The following EVC2 variants were observed in gnomAD, a reference collection of about 807,000 sequenced individuals.
EVC2 encodes EvC ciliary complex subunit 2.
EVC2 carries 148 observed loss-of-function variants against 149.3 expected under a neutral mutation model. The ratio of observed to expected loss-of-function variants is 0.99; its 90% CI spans 0.87 to 1.14. The LOEUF (loss-of-function observed/expected upper bound fraction) is 1.14, where lower values mean the gene tolerates loss of function less well. Among genes scored for constraint, EVC2 ranks in the 50% most tolerant of loss-of-function variants. EVC2 has a pLI of 0.00. For synonymous variants in EVC2, 776 were observed against 649.9 expected (o/e 1.19, Z -2.95); for missense variants, 1,854 against 1,627.3 (o/e 1.14, Z -2.40).
At chr4:5,586,569 T>C (rs1185321009) in intron 16 of EVC2, among the ~76,000 whole-genome samples, 2 of 152,202 alleles carry the variant, frequency 1.3e-5, no homozygotes, top group Non-Finnish European at 2.9e-5. Flanking sequence ...TTAAGTCTCA[T>C]AAGAAACATT....
chr4:5,663,862 A>G (rs904761543), intron 8 of EVC2, among the ~76,000 whole-genome samples: 2 of 152,184 alleles, frequency 1.3e-5, no homozygotes, highest in Non-Finnish European at 2.9e-5. Flanking sequence ...CGGAAGCTGC[A>G]GTGAGCCGAG....
the EVC2 span, among the ~76,000 whole-genome samples, chr4:5,530,650 G>A: frequency 6.6e-6 from 1 of 152,086 alleles, no homozygotes; most frequent in Non-Finnish European, 1.5e-5. Context: ...CATCCTACAT[G>A]ACTGCAAGTT....
intron 16 of EVC2, among the ~76,000 whole-genome samples, chr4:5,597,358 G>A (rs1713533719): frequency 6.6e-6 from 1 of 152,152 alleles, no homozygotes; most frequent in African/African-American, 2.4e-5. Flanking sequence ...ACATCAAAAA[G>A]CTTATCCACC....
intron 4 of EVC2, 79 bp from the exon 5 acceptor site, chr4:5,689,422 T>C: frequency 7.0e-7 from 1 of 1,419,530 alleles, no homozygotes; most frequent in Non-Finnish European, 9.9e-7. Context: ...GCCCAGCCTG[T>C]GCACATTAGG....
chr4:5,627,106 G>A (rs560786526), intron 12 of EVC2, among the ~76,000 whole-genome samples: 18 of 152,196 alleles, frequency 1.2e-4, no homozygotes, highest in Admixed American at 9.2e-4. Context: ...GTACCCTGAC[G>A]AGTACACTCT....
intron 9 of EVC2, among the ~76,000 whole-genome samples, chr4:5,642,044 G>C (rs1386669197): frequency 2.2e-5 from 3 of 136,056 alleles, no homozygotes; most frequent in African/African-American, 8.6e-5. Flanking sequence ...GCAGTGTTTG[G>C]TTTTCTGTTC....
Position 5,562,476 on chromosome 4 carries a change from A to T in EVC2, c.*372T>A, listed in dbSNP as rs1203219754. On this transcript the variant is annotated 3_prime_UTR_variant, in exon 22 of 22. Transcript: ENST00000344408. This position sits in a 1 kb window ranked among gnomAD's most constrained non-coding sequence, Gnocchi z 4.3. ...ACATTTATTTTTTAAAATTCCCTTT[A>T]TAAAAATAGAATATGTAACAAATAC... The T allele has an allele frequency of 1.8e-5, 19 of 1,074,846 alleles. No individual in the cohort carries two copies. Among genetic ancestry groups the T allele is most frequent in the Non-Finnish European group, 2.0e-5 (18 of 883,460 alleles). The allele number at this position is 1,074,846 out of a possible 1,614,324, so 66.6% of individuals were successfully genotyped here. A position where few individuals can be genotyped will look rare whatever the true frequency, so the allele number is the denominator to read the frequency against.
intron 16 of EVC2, among the ~76,000 whole-genome samples, chr4:5,586,337 T>C (rs6824662): frequency 0.021 from 3,129 of 152,220 alleles, 98 homozygotes; most frequent in African/African-American, 0.07. Context: ...CTTTGACTTA[T>C]CCCAGGGTAC....
intron 9 of EVC2, among the ~76,000 whole-genome samples, chr4:5,649,076 C>T (rs1210645054): frequency 6.6e-6 from 1 of 152,104 alleles, no homozygotes; most frequent in Non-Finnish European, 1.5e-5. Context: ...CCTGAAAGTC[C>T]CTAACAATCC....
At chr4:5,582,816 C>A (rs374320049) in intron 17 of EVC2, among the ~76,000 whole-genome samples, 1 of 152,100 alleles carries the variant, frequency 6.6e-6, no homozygotes, top group African/African-American at 2.4e-5. Flanking sequence ...GTGCTGTTCT[C>A]GTGATGGAGT....
downstream of EVC2, among the ~76,000 whole-genome samples, chr4:5,557,723 G>A (rs539371165): frequency 4.3e-4 from 65 of 152,128 alleles, 1 homozygote; most frequent in South Asian, 1.5e-3. Context: ...TAAGGTTGCA[G>A]GATACAAGGT....
chr4:5,574,545 G>T, intron 19 of EVC2, 140 bp downstream of exon 19: 2 of 838,380 alleles, frequency 2.4e-6, no homozygotes, highest in Non-Finnish European at 4.0e-6. Flanking sequence ...CCATGCTAGA[G>T]CTTCGCACAC....
chr4:5,708,505 G>A lies in EVC2; in HGVS notation c.9C>T (p.Pro3=), dbSNP rs573858756. 7 of 1,476,544 alleles carry A rather than the reference G, an allele frequency of 4.7e-6. No individual in the cohort carries two copies. The East Asian group carries it at 8.6e-5, about 18-fold the overall frequency. 91.5% of individuals were successfully genotyped at this position (1,476,544 alleles called of 1,614,324 possible). A position where few individuals can be genotyped will look rare whatever the true frequency, so the allele number is the denominator to read the frequency against. MD[P]SGSRGRPTWV... is the part of the protein sequence containing the mutation. ...ACGTGGGGCGCCCCCGGGAGCCCGA[G>A]GGGTCCATCGCCTGTCGGGACCCGC... The change falls in exon 1 of 22, where the codon CCC becomes CCT. Residue 3 remains proline, a synonymous_variant. Transcript: ENST00000344408.
At chr4:5,555,027 TG>T (rs1721808694) in intron 21 of EVC2, among the ~76,000 whole-genome samples, 1 of 150,700 alleles carries the variant, frequency 6.6e-6, no homozygotes, top group East Asian at 2.0e-4. Context: ...CGTGTGTGTG[TG>T]TGTGTGTGTG....
At chr4:5,666,247 C>A (rs11724447) in intron 7 of EVC2, among the ~76,000 whole-genome samples, 16,229 of 140,920 alleles carry the variant, frequency 0.12, 1,187 homozygotes, top group Middle Eastern at 0.19. Context: ...GTTCTGCAAC[C>A]AGAATTCAAT....
Position 5,618,796 on chromosome 4 carries a change from G to C in EVC2, c.2502-114C>G, listed in dbSNP as rs1715472065. On this transcript the variant is annotated intron_variant, in intron 14 of 21. Transcript: ENST00000344408. The surrounding 1 kb of genome is among the most constrained non-coding windows in gnomAD (Gnocchi z 4.4). ...CCTCATATCCATGTCTGCAGAAAAA[G>C]CACTGGCTCCTTAATCATGCATTCC... The C allele has an allele frequency of 9.9e-7, 1 of 1,009,048 alleles. No homozygotes were observed. The highest frequency in any genetic ancestry group is 1.5e-6 in the Non-Finnish European group (1 of 658,736). The allele number at this position is 1,009,048 out of a possible 1,614,324, so 62.5% of individuals were successfully genotyped here.
At chr4:5,595,801 T>A (rs897342674) in intron 16 of EVC2, among the ~76,000 whole-genome samples, 12 of 152,326 alleles carry the variant, frequency 7.9e-5, no homozygotes, top group Admixed American at 2.0e-4. Flanking sequence ...AAGACCCATC[T>A]GTGTGCTGTA....
chr4:5,706,817 A>G (rs1221918527), intron 1 of EVC2, among the ~76,000 whole-genome samples: 1 of 152,158 alleles, frequency 6.6e-6, no homozygotes, highest in African/African-American at 2.4e-5. Flanking sequence ...GACGTGCTCA[A>G]GATGCCAAGG....
chr4:5,647,620 G>A (rs1212495124), intron 9 of EVC2, among the ~76,000 whole-genome samples: 1 of 152,238 alleles, frequency 6.6e-6, no homozygotes, highest in Non-Finnish European at 1.5e-5. Context: ...AATCAATGTT[G>A]TACAAGCTCA....
Sources: gnomAD v4.1 joint callset for allele counts (sites outside exome capture counted in the v4.1 genomes callset) on GRCh38, gnomAD v4.1.1 for gene constraint, Gnocchi (gnomAD v3.1) non-coding constraint, MANE v1.5 for transcripts, NCBI Gene and HGNC (gene_info 2026-07-23, HGNC 2026-07-21) for gene names.